Variants in LRRC43 observed in about 807,000 individuals in gnomAD.
LRRC43 encodes leucine-rich repeat-containing protein 43.
A neutral mutation model predicts 64.3 loss-of-function variants in LRRC43; 62 were observed. The observed-to-expected ratio is 0.96, with a 90% CI of 0.79 to 1.19. The LOEUF is 1.19. LRRC43 is among the 50% of genes most tolerant of loss of function. The pLI, the probability that LRRC43 is intolerant of heterozygous loss-of-function variation, is 0.00. For missense variants in LRRC43, 868 were observed against 845.0 expected (o/e 1.03, Z -0.34); for synonymous variants, 422 against 382.3 (o/e 1.10, Z -1.21).
chr12:122,186,110 G>C (rs920699010), intron 2 of LRRC43, 80 bp from the exon 3 acceptor site: 9 of 777,218 alleles, frequency 1.2e-5, no homozygotes, highest in African/African-American at 3.4e-5. Context: ...AGGAGCCGCT[G>C]TCTTCCTAAT....
In LRRC43 at chr12:122,191,469, C is replaced by A; in HGVS notation, c.991C>A (p.Pro331Thr). The part of the protein sequence containing the change: ...DTSVLDPEPR[P>T]EGPFITYNYY... ...CTCTGTCTTAGACCCGGAACCCAGG[C>A]CCGAAGGCCCTTTCATCACTTACAA... The change falls in exon 6 of 12, where the codon CCC (proline) becomes ACC (threonine). Residue 331 changes from proline (P) to threonine (T), a missense_variant. Pro to Thr is a conservative substitution (Grantham distance 38). Coordinates refer to ENST00000339777, the MANE Select transcript of LRRC43 (RefSeq NM_001098519.2). The A allele has an allele frequency of 6.2e-7, 1 of 1,614,066 alleles. No homozygotes were observed. Among genetic ancestry groups the A allele is most frequent in the Non-Finnish European group, 8.5e-7 (1 of 1,179,984 alleles).
chr12:122,172,381 G>A (rs777170878), intron 1 of LRRC43: 1 of 1,525,918 alleles, frequency 6.6e-7, no homozygotes, highest in Admixed American at 1.8e-5. Flanking sequence ...GGCTCCTTAA[G>A]TTCCTGCCAA....
rs975028288 is a variant in LRRC43 at position 122,203,424 on chromosome 12, G to A, written c.1953G>A (p.Leu651=). The A allele has an allele frequency of 3.1e-6, 5 of 1,611,312 alleles. No individual in the cohort carries two copies. In the African/African-American group the frequency reaches 4.0e-5, roughly 13 times the overall value. The stretch of plus-strand genomic sequence containing the variant: ...AGTGCCGCTCGGCGGAGGAGGCTCT[G>A]CGCATGTTCGCCGTGTAGGGCGTGG... The part of the protein sequence containing the change: ...LNQCRSAEEA[L]RMFAV The change falls in exon 12 of 12, where the codon CTG becomes CTA. Residue 651 remains leucine, a synonymous_variant. Transcript: ENST00000339777.
intron 1 of LRRC43, among the ~76,000 whole-genome samples, chr12:122,176,369 G>A (rs780331250): frequency 5.9e-5 from 9 of 152,188 alleles, no homozygotes; most frequent in Non-Finnish European, 1.2e-4. Context: ...CAGGAGGGTA[G>A]TGGGGAGGTG....
rs1406393013 is a variant in LRRC43, at chr12:122,172,464, A to G, written c.-406+4682A>G. 2.5e-6 allele frequency: 4 copies of G among 1,614,172 alleles called. No individual in the cohort carries two copies. In the South Asian group the frequency reaches 3.3e-5, roughly 13 times the overall value. ...GGTCAATGATTTTAGTGCGAGGTCC[A>G]TGCACTCTGAAAACTGTTGAGAAAT... On this transcript the variant is annotated intron_variant, in intron 1 of 5. Coordinates refer to the LRRC43 transcript ENST00000537729.
At chr12:122,190,550 T>C (rs1953706781) in intron 5 of LRRC43, among the ~76,000 whole-genome samples, 182 bp downstream of exon 5, 1 of 152,142 alleles carries the variant, frequency 6.6e-6, no homozygotes, top group Non-Finnish European at 1.5e-5. Flanking sequence ...ATTCCTGTGA[T>C]TGGGATTTGG....
upstream of LRRC43, among the ~76,000 whole-genome samples, chr12:122,179,206 C>T (rs540255404): frequency 3.2e-4 from 48 of 152,062 alleles, no homozygotes; most frequent in African/African-American, 8.4e-4. Context: ...GAGATCCTTC[C>T]GCCTCAGCCT....
At chr12:122,170,238 G>A (rs1224105282) in intron 1 of LRRC43, among the ~76,000 whole-genome samples, 2 of 152,214 alleles carry the variant, frequency 1.3e-5, no homozygotes, top group East Asian at 3.9e-4. Flanking sequence ...TTCTGATGTA[G>A]GACAGTCAAA....
chr12:122,183,392 C>T lies in LRRC43; in HGVS notation c.150+98C>T, dbSNP rs934693465. The stretch of plus-strand genomic sequence containing the variant: ...CGGGCTGGTCCCTGGGGCCTGGGAT[C>T]TGCGCATTCTGGGGGCCGCCGACAT... On this transcript the variant is annotated intron_variant, in intron 1 of 11. Coordinates refer to ENST00000339777, the MANE Select transcript of LRRC43 (RefSeq NM_001098519.2). The T allele has an allele frequency of 3.1e-6, 4 of 1,287,016 alleles. No individual in the cohort carries two copies. In the African/African-American group the frequency reaches 6.3e-5, roughly 20 times the overall value. The allele number at this position is 1,287,016 out of a possible 1,614,324, so 79.7% of individuals were successfully genotyped here. A position where few individuals can be genotyped will look rare whatever the true frequency, so the allele number is the denominator to read the frequency against.
chr12:122,189,223 C>G (rs541793666), intron 4 of LRRC43, among the ~76,000 whole-genome samples: 1 of 152,268 alleles, frequency 6.6e-6, no homozygotes, highest in African/African-American at 2.4e-5. Context: ...AGTCCCAGGA[C>G]TTCAGCAGCC....
chr12:122,175,420 G>T (rs1230545261), intron 1 of LRRC43, among the ~76,000 whole-genome samples: 1 of 151,756 alleles, frequency 6.6e-6, no homozygotes, highest in African/African-American at 2.4e-5. Context: ...ACCTGCCTCC[G>T]CCTCTCAAAG....
intron 1 of LRRC43, among the ~76,000 whole-genome samples, chr12:122,169,497 C>T (rs560533124): frequency 3.3e-5 from 5 of 152,086 alleles, no homozygotes; most frequent in Middle Eastern, 3.4e-3. Flanking sequence ...AGGTGGATCA[C>T]GAGGTCAGGA....
rs1427563694 is a variant in LRRC43 at position 122,189,967 on chromosome 12, C to T, written c.663-163C>T. On this transcript the variant is annotated intron_variant, in intron 4 of 11. Transcript: ENST00000339777. ...GAGTGGAGATGAAGAGCCAGGCACT[C>T]GTTCCCGACCCGGGGTTAACTTGGG... 3.3e-5 allele frequency: 23 copies of T among 689,820 alleles called. No individual in the cohort carries two copies. The Middle Eastern group carries it at 1.1e-3, about 34-fold the overall frequency. 42.7% of individuals were successfully genotyped at this position (689,820 alleles called of 1,614,324 possible).
intron 1 of LRRC43, among the ~76,000 whole-genome samples, chr12:122,175,376 C>T (rs1953528763): frequency 6.6e-6 from 1 of 151,760 alleles, no homozygotes; most frequent in Admixed American, 6.6e-5. Flanking sequence ...ACTATGTTGG[C>T]CAGGCTGGTC....
intron 11 of LRRC43, among the ~76,000 whole-genome samples, chr12:122,201,562 C>G (rs872451): frequency 0.4 from 60,755 of 152,082 alleles, 13,295 homozygotes; most frequent in East Asian, 0.73. Context: ...AGAGCCATAG[C>G]GGGGCAAGAG....
chr12:122,203,238 A>G lies in LRRC43; in HGVS notation c.1844-77A>G. 4.5e-6 allele frequency: 7 copies of G among 1,543,016 alleles called. No individual in the cohort carries two copies. The South Asian group carries it at 7.1e-5, about 16-fold the overall frequency. ...CTGGGACAGGGTCCAGGGCTTGCAT[A>G]TGGGATGGGTCAGGGCGGCCGAGAA... On this transcript the variant is annotated intron_variant, in intron 11 of 11. Transcript: ENST00000339777.
At chr12:122,172,282 A>G in intron 1 of LRRC43, 1 of 675,982 alleles carries the variant, frequency 1.5e-6, no homozygotes, top group South Asian at 1.9e-5. Flanking sequence ...ACTAGCCCAT[A>G]TGAGGGGTCC....
intron 7 of LRRC43, 28 bp downstream of exon 7, chr12:122,193,032 A>G: frequency 1.2e-6 from 2 of 1,610,574 alleles, no homozygotes; most frequent in Non-Finnish European, 1.7e-6. Flanking sequence ...AACCAGGGCA[A>G]GTGGTCAGAG....
chr12:122,201,224 G>C (rs1274017204), intron 10 of LRRC43, 72 bp from the exon 11 acceptor site: 1 of 1,534,896 alleles, frequency 6.5e-7, no homozygotes, highest in African/African-American at 1.4e-5. Context: ...AGGAGGTGGG[G>C]CCCCAGAGAC....
Sources: allele counts gnomAD v4.1 joint callset (sites outside exome capture counted in the v4.1 genomes callset), GRCh38; gene constraint gnomAD v4.1.1; transcripts MANE v1.5; gene names NCBI Gene and HGNC (gene_info 2026-07-23, HGNC 2026-07-21).